The following LHFPL2 variants were observed in gnomAD, a reference collection of about 807,000 sequenced individuals.
The protein encoded by LHFPL2 is LHFPL tetraspan subfamily member 2.
Under a neutral mutation model 17.5 loss-of-function variants are expected in LHFPL2, and 7 were observed. That is an observed-to-expected ratio of 0.40 (90% confidence interval 0.23 to 0.75). The LOEUF is 0.75. Ranked by LOEUF, LHFPL2 falls within the 30% of genes least tolerant of loss-of-function variation. The probability of loss-of-function intolerance (pLI) is 0.37; values close to 1 mark genes in which losing one functional copy is unlikely to be tolerated. For synonymous variants in LHFPL2, 134 were observed against 116.2 expected (o/e 1.15, Z -0.99); for missense variants, 241 against 294.8 (o/e 0.82, Z 1.34).
intron 4 of LHFPL2, among the ~76,000 whole-genome samples, chr5:78,495,132 T>C (rs1219909800): frequency 6.6e-6 from 1 of 152,210 alleles, no homozygotes; most frequent in Non-Finnish European, 1.5e-5. Flanking sequence ...TGTTGCTGCA[T>C]ACAGTGAGTA....
chr5:78,488,921 C>T lies in LHFPL2; in HGVS notation c.663G>A (p.Gly221=), dbSNP rs1460352631. ...ACTAAAGGAGGCAGATCAGATTTTTCCCCTCTTCAATTTCTTCCTGTACTT... is the reference window on the plus strand; with the variant it reads ...ACTAAAGGAGGCAGATCAGATTTTTTCCCTCTTCAATTTCTTCCTGTACTT... ...SDKVQEEIEE[G]KNLICLL Residue 221 remains glycine (G), a synonymous_variant, in exon 5 of 5, where the codon GGG becomes GGA. Transcript: ENST00000380345. The T allele has an allele frequency of 3.1e-6, 5 of 1,614,010 alleles. No homozygotes were observed. In the African/African-American group the frequency reaches 5.3e-5, roughly 17 times the overall value.
At chr5:78,599,269 G>A (rs1350191204) in intron 2 of LHFPL2, among the ~76,000 whole-genome samples, 1 of 152,086 alleles carries the variant, frequency 6.6e-6, no homozygotes, top group Non-Finnish European at 1.5e-5. Context: ...TCCCAAGATT[G>A]AAAGCGAAGA....
intron 2 of LHFPL2, among the ~76,000 whole-genome samples, chr5:78,601,724 C>A (rs1366498639): frequency 6.6e-6 from 1 of 152,082 alleles, no homozygotes; most frequent in Non-Finnish European, 1.5e-5. Context: ...CATCTGCAAA[C>A]GTGCTGCAGA....
rs1220180245 is a variant in LHFPL2 at position 78,593,572 on chromosome 5, C to T, written c.-244-28701G>A. 2.0e-5 allele frequency among the ~76,000 whole-genome samples: 3 copies of T among 152,304 alleles called. No individual in the cohort carries two copies. The East Asian group carries it at 5.8e-4, about 29-fold the overall frequency. On this transcript the variant is annotated intron_variant, in intron 2 of 4. Coordinates refer to ENST00000380345, the MANE Select transcript of LHFPL2 (RefSeq NM_005779.3). ...ATGGTTTATGATATACCATTGTGACCATGCTAGTTGAAACATATGGGTAAC... is the reference window on the plus strand; with the variant it reads ...ATGGTTTATGATATACCATTGTGACTATGCTAGTTGAAACATATGGGTAAC...
chr5:78,489,432 G>A (rs1319819973), intron 4 of LHFPL2, among the ~76,000 whole-genome samples: 1 of 152,188 alleles, frequency 6.6e-6, no homozygotes, highest in Non-Finnish European at 1.5e-5. Flanking sequence ...TTAAGACAGA[G>A]TCTCAATCTG....
chr5:78,621,967 G>A (rs1171416258), intron 2 of LHFPL2, among the ~76,000 whole-genome samples: 2 of 151,798 alleles, frequency 1.3e-5, no homozygotes, highest in African/African-American at 2.4e-5. Context: ...TGTTCCTCCC[G>A]AGAAACACAT....
chr5:78,572,157 T>C (rs1561344667), intron 2 of LHFPL2, among the ~76,000 whole-genome samples: 1 of 152,062 alleles, frequency 6.6e-6, no homozygotes, highest in Non-Finnish European at 1.5e-5. Context: ...GCACAGGCAA[T>C]ATAGTTTGGA....
intron 2 of LHFPL2, among the ~76,000 whole-genome samples, chr5:78,578,343 G>C (rs1757185002): frequency 6.6e-6 from 1 of 152,168 alleles, no homozygotes; most frequent in African/African-American, 2.4e-5. Flanking sequence ...TCAGGGGCTG[G>C]GAAGAGGAGG....
At position 78,487,537 on chromosome 5, in the gene LHFPL2, T is replaced by C. The variant is rs575314504; in HGVS notation, c.*1360A>G. ...GAGTGTTTCTGTATCATGATACAATTTTGAAGCTCCCATAATGTCAGAGTA... is the reference window on the plus strand; with the variant it reads ...GAGTGTTTCTGTATCATGATACAATCTTGAAGCTCCCATAATGTCAGAGTA... On this transcript the variant is annotated 3_prime_UTR_variant, in exon 5 of 5. Transcript: ENST00000380345. 3 of 152,338 alleles carry C rather than the reference T, an allele frequency of 2.0e-5. No homozygotes were observed. Among genetic ancestry groups the C allele is most frequent in the Admixed American group, 6.5e-5 (1 of 15,308 alleles). 9.4% of individuals were successfully genotyped at this position (152,338 alleles called of 1,614,324 possible).
chr5:78,617,591 C>G (rs565824293), intron 2 of LHFPL2, among the ~76,000 whole-genome samples: 10 of 151,894 alleles, frequency 6.6e-5, no homozygotes, highest in Non-Finnish European at 1.3e-4. Flanking sequence ...CTTCCAACCC[C>G]AGGGCTGGAT....
intron 2 of LHFPL2, among the ~76,000 whole-genome samples, chr5:78,578,795 A>G (rs1452034261): frequency 6.6e-6 from 1 of 152,120 alleles, no homozygotes; most frequent in Non-Finnish European, 1.5e-5. Context: ...ACAACATTCC[A>G]CTCTACTCCA....
At chr5:78,605,961 A>G (rs572280013) in intron 2 of LHFPL2, among the ~76,000 whole-genome samples, 50 of 152,348 alleles carry the variant, frequency 3.3e-4, no homozygotes, top group African/African-American at 1.2e-3. Context: ...TCAATAACAC[A>G]TTTTACAAAA....
chr5:78,532,907 A>AGCACGTGGGCCTGCT (rs1316446771), intron 3 of LHFPL2, among the ~76,000 whole-genome samples: 3 of 152,216 alleles, frequency 2.0e-5, no homozygotes, highest in Non-Finnish European at 4.4e-5. Flanking sequence ...CCAGGCTGAC[A>AGCACGTGGGCCTGCT]GCACGTGGGC....
chr5:78,644,013 G>C (rs1745771621), intron 1 of LHFPL2, among the ~76,000 whole-genome samples: 1 of 152,180 alleles, frequency 6.6e-6, no homozygotes, highest in Non-Finnish European at 1.5e-5. Context: ...AGTGAGCTGA[G>C]ATCATGCCAT....
chr5:78,534,486 C>A (rs1755884180), intron 3 of LHFPL2, among the ~76,000 whole-genome samples: 2 of 152,146 alleles, frequency 1.3e-5, no homozygotes, highest in Admixed American at 6.5e-5. Context: ...TCTATGACTC[C>A]CCCATTCCGC....
intron 2 of LHFPL2, among the ~76,000 whole-genome samples, chr5:78,595,617 T>G (rs113684737): frequency 1.3e-5 from 2 of 152,280 alleles, no homozygotes; most frequent in African/African-American, 4.8e-5. Flanking sequence ...GGTCAAGCAA[T>G]TCTCCCGCCT....
rs77692457 is a variant in LHFPL2 at position 78,534,131 on chromosome 5, G to A, written c.-185-23733C>T. Among the ~76,000 whole-genome samples, 10 of 152,192 alleles carry A rather than the reference G, an allele frequency of 6.6e-5. 1 individual carries two copies. Among genetic ancestry groups the A allele is most frequent in the Admixed American group, 5.9e-4 (9 of 15,282 alleles). On this transcript the variant is annotated intron_variant, in intron 3 of 4. Transcript: ENST00000380345. ...CCACTGCCCCAGGAGGGTACATGTC[G>A]GAGGCTCTCAGGGGTCCAGAGACCT...
At chr5:78,635,028 T>G (rs919159054) in intron 1 of LHFPL2, among the ~76,000 whole-genome samples, 7 of 152,178 alleles carry the variant, frequency 4.6e-5, no homozygotes, top group Non-Finnish European at 7.4e-5. Flanking sequence ...GTGGGTCAGT[T>G]CTTCACAGAC....
At chr5:78,518,021 CT>C (rs1755341093) in intron 3 of LHFPL2, among the ~76,000 whole-genome samples, 1 of 152,220 alleles carries the variant, frequency 6.6e-6, no homozygotes, top group Non-Finnish European at 1.5e-5. Context: ...ACATTAAAAT[CT>C]GATGTAGCCC....
Sources: allele counts gnomAD v4.1 joint callset (sites outside exome capture counted in the v4.1 genomes callset), GRCh38; gene constraint gnomAD v4.1.1; transcripts MANE v1.5; gene names NCBI Gene and HGNC (gene_info 2026-07-23, HGNC 2026-07-21).